RP1: variants seen among roughly 807,000 people sequenced by gnomAD.
RP1 encodes the protein RP1 axonemal microtubule associated.
Under a neutral mutation model 14.8 loss-of-function variants are expected in RP1, and 16 were observed. The observed-to-expected ratio is 1.08, with a 90% CI of 0.73 to 1.65. The LOEUF (loss-of-function observed/expected upper bound fraction) is 1.65, where lower values mean the gene tolerates loss of function less well. Ranked by LOEUF, RP1 falls within the 40% of genes most tolerant of loss-of-function variation. The pLI is 0.00. For missense variants in RP1, 2,631 were observed against 2,535.0 expected (o/e 1.04, Z -0.81); for synonymous variants, 876 against 883.6 (o/e 0.99, Z 0.15).
intron 6 of RP1, among the ~76,000 whole-genome samples, chr8:54,658,339 C>T (rs1002842869): frequency 1.3e-5 from 2 of 151,638 alleles, no homozygotes; most frequent in African/African-American, 4.9e-5. Flanking sequence ...ATCACGAGGT[C>T]AGGAGATCGA....
chr8:54,626,018 G>C lies in RP1; in HGVS notation c.2136G>C (p.Met712Ile). 6.2e-7 allele frequency: 1 copy of C among 1,613,938 alleles called. No homozygotes were observed. Among genetic ancestry groups the C allele is most frequent in the Non-Finnish European group, 8.5e-7 (1 of 1,179,930 alleles). ...INTKGRITKE[M>I]IVQDSDSPLK... The stretch of plus-strand genomic sequence containing the variant: ...CAAAAGGTAGAATTACAAAGGAAAT[G>C]ATAGTGCAAGATTCAGATAGTCCCC... The change falls in exon 4 of 4, where the codon ATG becomes ATC. Residue 712 changes from methionine to isoleucine, a missense_variant. Physicochemically the swap from Met to Ile is conservative, Grantham distance 10. Coordinates refer to ENST00000220676, the MANE Select transcript of RP1 (RefSeq NM_006269.2).
At position 54,696,858 on chromosome 8, in the gene RP1, A is replaced by C. The variant is rs964640804; in HGVS notation, c.1718-2609A>C. Reference sequence around the variant, plus strand: ...AAGTCTGTCCAGTAACTCATTTTGAAATGTGGACAAGCCAAGGTCAAGAAT... The same window carrying C: ...AAGTCTGTCCAGTAACTCATTTTGACATGTGGACAAGCCAAGGTCAAGAAT... On this transcript the variant is annotated intron_variant, in intron 12 of 22. Coordinates refer to the RP1 transcript ENST00000636932. 3 of 757,610 alleles carry C rather than the reference A, an allele frequency of 4.0e-6. No individual in the cohort carries two copies. The African/African-American group carries it at 5.1e-5, about 13-fold the overall frequency. 46.9% of individuals were successfully genotyped at this position (757,610 alleles called of 1,614,324 possible). A position where few individuals can be genotyped will look rare whatever the true frequency, so the allele number is the denominator to read the frequency against.
intron 25 of RP1, among the ~76,000 whole-genome samples, chr8:54,850,624 T>C (rs1812038142): frequency 1.3e-5 from 2 of 152,246 alleles, no homozygotes; most frequent in African/African-American, 2.4e-5. Flanking sequence ...CCTGATATTT[T>C]AGGGTGTGTC....
At chr8:54,779,057 A>C (rs1293064978) in intron 23 of RP1, among the ~76,000 whole-genome samples, 1 of 152,132 alleles carries the variant, frequency 6.6e-6, no homozygotes, top group African/African-American at 2.4e-5. Context: ...AGTCACCTGC[A>C]GTTCTCCTCC....
intron 19 of RP1, among the ~76,000 whole-genome samples, chr8:54,751,849 G>A (rs558600247): frequency 8.5e-5 from 13 of 152,310 alleles, no homozygotes; most frequent in African/African-American, 1.4e-4. Flanking sequence ...TCATGACTTC[G>A]AAGGTAAACG....
intron 24 of RP1, among the ~76,000 whole-genome samples, chr8:54,790,657 T>G (rs991438770): frequency 2.5e-4 from 38 of 151,444 alleles, no homozygotes; most frequent in South Asian, 6.2e-4. Context: ...TAGAAACCAT[T>G]AAATAAAATT....
At chr8:54,869,483 G>C (rs957095843) in intron 28 of RP1, among the ~76,000 whole-genome samples, 1 of 152,146 alleles carries the variant, frequency 6.6e-6, no homozygotes, top group African/African-American at 2.4e-5. Context: ...TGAGGGTTTA[G>C]CCACTGTGTA....
chr8:54,604,912 A>C (rs1238709432), intron 1 of RP1, among the ~76,000 whole-genome samples: 4 of 151,946 alleles, frequency 2.6e-5, no homozygotes, highest in Non-Finnish European at 5.9e-5. Flanking sequence ...TATTGCATCT[A>C]TTTGATTCTT....
chr8:54,652,780 A>G, exon 5 of RP1: 1 of 1,534,792 alleles, frequency 6.5e-7, no homozygotes, highest in Admixed American at 2.0e-5. Context: ...CTCTTCATAG[A>G]TAACAGTTGG....
At chr8:54,701,588 C>A in exon 14 of RP1, 1 of 1,535,544 alleles carries the variant, frequency 6.5e-7, no homozygotes, top group Non-Finnish European at 8.7e-7. Flanking sequence ...TGTTTTTGAT[C>A]GTCATGGCAA....
At chr8:54,784,867 A>G (rs180787680) in intron 24 of RP1, among the ~76,000 whole-genome samples, 1 of 152,152 alleles carries the variant, frequency 6.6e-6, no homozygotes, top group East Asian at 1.9e-4. Flanking sequence ...GTTTTCTGCA[A>G]TATAATTCAC....
intron 3 of RP1, among the ~76,000 whole-genome samples, chr8:54,645,415 T>G (rs1001623441): frequency 1.3e-5 from 2 of 152,188 alleles, no homozygotes; most frequent in Non-Finnish European, 2.9e-5. Flanking sequence ...AGTTATTATA[T>G]GTAGTGCTCT....
intron 24 of RP1, among the ~76,000 whole-genome samples, chr8:54,803,015 T>C (rs537399970): frequency 6.6e-6 from 1 of 152,288 alleles, no homozygotes; most frequent in South Asian, 2.1e-4. Flanking sequence ...CTTTTTTTTT[T>C]CCTATGCATC....
intron 24 of RP1, among the ~76,000 whole-genome samples, chr8:54,799,687 G>C (rs953207644): frequency 1.3e-5 from 2 of 151,674 alleles, no homozygotes; most frequent in African/African-American, 4.8e-5. Context: ...CCATGGTTTA[G>C]AGTGTCTATT....
chr8:54,699,507 T>C, exon 13 of RP1: 1 of 1,405,334 alleles, frequency 7.1e-7, no homozygotes. Context: ...ATATATGCAT[T>C]TTCCAAAGTC....
chr8:54,754,358 T>C (rs185150160), intron 19 of RP1, among the ~76,000 whole-genome samples: 3 of 152,054 alleles, frequency 2.0e-5, no homozygotes, highest in Non-Finnish European at 2.9e-5. Flanking sequence ...TTTAAATCAC[T>C]ACCACAGGTG....
Position 54,732,127 on chromosome 8 carries a change from C to T in RP1, c.2522-2418C>T, listed in dbSNP as rs951859467. 1.6e-4 allele frequency among the ~76,000 whole-genome samples: 25 copies of T among 152,294 alleles called. 1 individual carries two copies. Among genetic ancestry groups the T allele is most frequent in the African/African-American group, 6.0e-4 (25 of 41,572 alleles). ...TGAACATTGGCACCTGCAGTTCTTCCAGCATGCCTGCTGCTGCAAGCCATG... is the reference window on the plus strand; with the variant it reads ...TGAACATTGGCACCTGCAGTTCTTCTAGCATGCCTGCTGCTGCAAGCCATG... On this transcript the variant is annotated intron_variant, in intron 17 of 22. Coordinates refer to the RP1 transcript ENST00000636932.
intron 24 of RP1, among the ~76,000 whole-genome samples, chr8:54,835,990 G>A (rs1020067633): frequency 2.0e-5 from 3 of 152,088 alleles, no homozygotes; most frequent in African/African-American, 7.2e-5. Context: ...AATAGGAGGG[G>A]GACCAGCTAT....
At chr8:54,770,120 C>T, downstream of RP1, 1 of 402,514 alleles carries the variant, frequency 2.5e-6, no homozygotes. Flanking sequence ...TTTATTTTTG[C>T]AGAAATGCAA....
Sources: gnomAD v4.1 joint callset for allele counts (sites outside exome capture counted in the v4.1 genomes callset) on GRCh38, gnomAD v4.1.1 for gene constraint, MANE v1.5 for transcripts, NCBI Gene and HGNC (gene_info 2026-07-23, HGNC 2026-07-21) for gene names.